The following TCF4 variants were observed in gnomAD, a reference collection of about 807,000 sequenced individuals.
TCF4 encodes SL3-3 enhancer factor 2.
Under a neutral mutation model 82.1 loss-of-function variants are expected in TCF4, and 3 were observed. The observed-to-expected ratio is 0.04, with a 90% CI of 0.02 to 0.09. The LOEUF (loss-of-function observed/expected upper bound fraction) is 0.09, where lower values mean the gene tolerates loss of function less well. TCF4 is among the 10% of genes least tolerant of loss of function. The pLI is 1.00. For missense variants in TCF4, 518 were observed against 852.7 expected (o/e 0.61, Z 4.89); for synonymous variants, 276 against 309.6 (o/e 0.89, Z 1.14).
upstream of TCF4, chr18:55,588,577 T>C (rs535119041): frequency 8.4e-5 from 128 of 1,523,420 alleles, 2 homozygotes; most frequent in African/African-American, 7.7e-4. Flanking sequence ...TTACATCCCC[T>C]CACTTCTTTC....
At chr18:55,441,591 A>G (rs1230776646) in intron 5 of TCF4, among the ~76,000 whole-genome samples, 1 of 152,216 alleles carries the variant, frequency 6.6e-6, no homozygotes, top group African/African-American at 2.4e-5. Context: ...TAAACAATAC[A>G]AAATAGAACA....
chr18:55,267,168 A>G (rs1301904778), intron 11 of TCF4: 1 of 152,144 alleles, frequency 6.6e-6, no homozygotes, highest in East Asian at 1.9e-4. Flanking sequence ...GTCATTTTCT[A>G]CAGAATCGTG....
intron 3 of TCF4, among the ~76,000 whole-genome samples, chr18:55,563,631 G>A (rs538978725): frequency 2.8e-4 from 43 of 152,336 alleles, no homozygotes; most frequent in Non-Finnish European, 5.6e-4. Context: ...CACAAGGTAT[G>A]GCCTTGGCCA....
chr18:55,236,664 T>C (rs367718423), intron 15 of TCF4, among the ~76,000 whole-genome samples: 1 of 152,222 alleles, frequency 6.6e-6, no homozygotes, highest in Non-Finnish European at 1.5e-5. Flanking sequence ...ATTCATGCAT[T>C]AGAAAACGGA....
chr18:55,357,630 G>A (rs1253174968), intron 6 of TCF4, among the ~76,000 whole-genome samples: 4 of 152,104 alleles, frequency 2.6e-5, no homozygotes, highest in Admixed American at 2.6e-4. Context: ...GCAAAATAAA[G>A]GCATATCAAA....
Position 55,294,041 on chromosome 18 carries a change from C to T in TCF4, c.550-14385G>A, listed in dbSNP as rs184683431. On this transcript the variant is annotated intron_variant, in intron 8 of 19. Transcript: ENST00000354452. ...TTGGGAGGCCGAGGTGGGCGGATCA[C>T]TTGAGGTCAGGAATTCAAGACCAGC... Among the ~76,000 whole-genome samples, 47 of 135,724 alleles carry T rather than the reference C, an allele frequency of 3.5e-4. No individual in the cohort carries two copies. In the East Asian group the frequency reaches 0.011, roughly 32 times the overall value. 89.0% of individuals were successfully genotyped at this position (135,724 alleles called of 152,430 possible).
chr18:55,621,409 G>GAT (rs36062702), intron 2 of TCF4, among the ~76,000 whole-genome samples: 112,949 of 113,084 alleles, frequency 1, 56,409 homozygotes, highest in Middle Eastern at 1. Flanking sequence ...GGTACTGCCT[G>GAT]ATATATATAT....
At chr18:55,574,163 A>G (rs1479669239) in intron 3 of TCF4, among the ~76,000 whole-genome samples, 1 of 152,174 alleles carries the variant, frequency 6.6e-6, no homozygotes, top group Non-Finnish European at 1.5e-5. Flanking sequence ...GCCAATTTCC[A>G]TAAGCATTCA....
intron 8 of TCF4, among the ~76,000 whole-genome samples, chr18:55,304,421 G>A (rs931449573): frequency 1.3e-5 from 2 of 152,104 alleles, no homozygotes; most frequent in African/African-American, 4.8e-5. Context: ...AAGATACATA[G>A]AATTATAAAT....
Position 55,354,290 on chromosome 18 carries a change from C to G in TCF4, c.370-3287G>C, listed in dbSNP as rs2082961491. 3.3e-5 allele frequency among the ~76,000 whole-genome samples: 5 copies of G among 152,310 alleles called. No homozygotes were observed. The South Asian group carries it at 1.0e-3, about 32-fold the overall frequency. ...TTCCTAACTTGGCCATTCAAATCCC[C>G]AAATACAGCACTCTGTGAGTGTCTT... On this transcript the variant is annotated intron_variant, in intron 6 of 19. Coordinates refer to ENST00000354452, the MANE Select transcript of TCF4 (RefSeq NM_001083962.2).
chr18:55,362,511 T>G (rs1418031136), intron 6 of TCF4, among the ~76,000 whole-genome samples: 3 of 152,064 alleles, frequency 2.0e-5, no homozygotes, highest in Admixed American at 6.5e-5. Context: ...AAACAGGGAC[T>G]GTCTCTTTTT....
chr18:55,623,645 G>A (rs567182699), intron 2 of TCF4, among the ~76,000 whole-genome samples: 2 of 152,184 alleles, frequency 1.3e-5, no homozygotes, highest in South Asian at 2.1e-4. Flanking sequence ...GTAGTGGATC[G>A]ATATTTTTTT....
intron 8 of TCF4, chr18:55,321,301 T>G (rs915147438): frequency 3.9e-6 from 1 of 253,454 alleles, no homozygotes; most frequent in African/African-American, 2.2e-5. Flanking sequence ...ATTCTGCTTC[T>G]CATATCTGCT....
At chr18:55,362,697 ACTGTGAT>A (rs2085796449) in intron 6 of TCF4, among the ~76,000 whole-genome samples, 1 of 152,214 alleles carries the variant, frequency 6.6e-6, no homozygotes, top group Non-Finnish European at 1.5e-5. Flanking sequence ...TTAGAATAGG[ACTGTGAT>A]CTTTAAGTTT....
chr18:55,452,292 C>G (rs1427139445), intron 5 of TCF4, among the ~76,000 whole-genome samples: 1 of 152,156 alleles, frequency 6.6e-6, no homozygotes, highest in Non-Finnish European at 1.5e-5. Flanking sequence ...GCACCTAATC[C>G]TCCACATTAA....
At chr18:55,321,340 A>G (rs1227008322) in intron 8 of TCF4, 5 of 329,826 alleles carry the variant, frequency 1.5e-5, no homozygotes, top group African/African-American at 2.1e-5. Context: ...TTTGGAAGGA[A>G]TAAGAATTTT....
At chr18:55,542,521 A>G (rs1249559426) in intron 3 of TCF4, among the ~76,000 whole-genome samples, 1 of 152,018 alleles carries the variant, frequency 6.6e-6, no homozygotes, top group Non-Finnish European at 1.5e-5. Flanking sequence ...ACATGGATGA[A>G]AAACTTTGCA....
At chr18:55,384,812 T>C (rs1428665098) in intron 6 of TCF4, among the ~76,000 whole-genome samples, 1 of 152,084 alleles carries the variant, frequency 6.6e-6, no homozygotes, top group Non-Finnish European at 1.5e-5. Context: ...ATATTGGCGG[T>C]GGGGTCAGTG....
Position 55,582,389 on chromosome 18 carries a change from G to A in TCF4, c.145+2891C>T, listed in dbSNP as rs572784316. ...GAGCCCACCAATTTTCCCTGTTAAG[G>A]TCATCGAAGCTCTGAACCATCATGG... On this transcript the variant is annotated intron_variant, in intron 3 of 19. Transcript: ENST00000354452. 6.6e-5 allele frequency among the ~76,000 whole-genome samples: 10 copies of A among 152,150 alleles called. 1 individual carries two copies. The South Asian group carries it at 2.1e-3, about 32-fold the overall frequency.
Sources: gnomAD v4.1 joint callset for allele counts (sites outside exome capture counted in the v4.1 genomes callset) on GRCh38, gnomAD v4.1.1 for gene constraint, MANE v1.5 for transcripts, NCBI Gene and HGNC (gene_info 2026-07-23, HGNC 2026-07-21) for gene names.